ANK2: variants seen among roughly 807,000 people sequenced by gnomAD.
The protein encoded by ANK2 is ankyrin 2, also known as ankyrin-2.
Under a neutral mutation model 360.5 loss-of-function variants are expected in ANK2, and 83 were observed. The observed-to-expected ratio is 0.23, with a 90% CI of 0.19 to 0.28. The LOEUF (loss-of-function observed/expected upper bound fraction) is 0.28, where lower values mean the gene tolerates loss of function less well. Ranked by LOEUF, ANK2 falls within the 10% of genes least tolerant of loss-of-function variation. The pLI, the probability that ANK2 is intolerant of heterozygous loss-of-function variation, is 1.00. For missense variants in ANK2, 4,201 were observed against 4,795.7 expected, an observed-to-expected ratio of 0.88 and a Z score of 3.66; for synonymous variants, 1,740 against 1,759.5, an observed-to-expected ratio of 0.99 and a Z score of 0.28.
chr4:113,324,475 A>T (rs1347919548), intron 26 of ANK2, among the ~76,000 whole-genome samples: 1 of 152,200 alleles, frequency 6.6e-6, no homozygotes, highest in Non-Finnish European at 1.5e-5. Flanking sequence ...CAGTCTACAA[A>T]AAAGACAGTT....
the ANK2 span, among the ~76,000 whole-genome samples, chr4:112,809,451 C>T: frequency 1.3e-5 from 2 of 151,064 alleles, no homozygotes; most frequent in Non-Finnish European, 2.9e-5. Context: ...GTCCCAGCTA[C>T]TCCGGAGGCT....
At chr4:113,233,107 T>G (rs1323381668) in intron 5 of ANK2, among the ~76,000 whole-genome samples, 5 of 4,082 alleles carry the variant, frequency 1.2e-3, no homozygotes, top group Non-Finnish European at 2.2e-3. Context: ...GGCTTTTCTG[T>G]TTTTTTTTTT....
intron 4 of ANK2, among the ~76,000 whole-genome samples, chr4:113,207,061 T>G (rs897733375): frequency 6.6e-6 from 1 of 152,136 alleles, no homozygotes; most frequent in African/African-American, 2.4e-5. Context: ...CTATTCTCTA[T>G]TCCAGTAAAA....
chr4:113,055,405 T>A (rs1443447786), intron 1 of ANK2, among the ~76,000 whole-genome samples: 1 of 151,930 alleles, frequency 6.6e-6, no homozygotes, highest in African/African-American at 2.4e-5. Context: ...AATAAATAAA[T>A]GAATAAATAG....
At chr4:113,161,424 C>T (rs1583431791) in intron 1 of ANK2, among the ~76,000 whole-genome samples, 1 of 152,182 alleles carries the variant, frequency 6.6e-6, no homozygotes, top group African/African-American at 2.4e-5. Context: ...CCTACATTTT[C>T]AGCCAATGCT....
intron 34 of ANK2, among the ~76,000 whole-genome samples, chr4:113,344,803 G>A (rs1195601376): frequency 6.6e-6 from 1 of 152,132 alleles, no homozygotes; most frequent in South Asian, 2.1e-4. Context: ...GGTACCTAGG[G>A]TAGTCAAATT....
intron 2 of ANK2, among the ~76,000 whole-genome samples, chr4:112,924,651 C>A (rs1581245072): frequency 6.6e-6 from 1 of 151,588 alleles, no homozygotes; most frequent in African/African-American, 2.4e-5. Flanking sequence ...GGAAAAAAGT[C>A]CACTACCAAT....
chr4:113,197,336 T>C (rs2098762966), intron 3 of ANK2, among the ~76,000 whole-genome samples: 1 of 152,236 alleles, frequency 6.6e-6, no homozygotes, highest in Admixed American at 6.5e-5. Flanking sequence ...GATGCTGCTT[T>C]TGCTAAAACA....
At chr4:113,062,893 T>C (rs1452726801) in intron 1 of ANK2, among the ~76,000 whole-genome samples, 4 of 152,116 alleles carry the variant, frequency 2.6e-5, no homozygotes, top group African/African-American at 9.6e-5. Context: ...TCTACATTAC[T>C]GTACTAATTT....
intron 1 of ANK2, among the ~76,000 whole-genome samples, chr4:113,165,231 T>C (rs2097709967): frequency 1.3e-5 from 2 of 152,138 alleles, no homozygotes; most frequent in South Asian, 4.1e-4. Flanking sequence ...TAAAAATAAG[T>C]TTTTCATTAT....
chr4:113,315,411 C>T (rs980330366), intron 24 of ANK2, among the ~76,000 whole-genome samples: 2 of 152,138 alleles, frequency 1.3e-5, no homozygotes, highest in African/African-American at 4.8e-5. Context: ...ATTTGAGGTA[C>T]CATTATTTAC....
At chr4:113,331,356 C>T (rs986375569) in intron 27 of ANK2, among the ~76,000 whole-genome samples, 2 of 152,048 alleles carry the variant, frequency 1.3e-5, no homozygotes, top group African/African-American at 4.8e-5. Flanking sequence ...TAATTTGGAC[C>T]AAACTATTAG....
At chr4:112,806,912 A>G in the ANK2 span, among the ~76,000 whole-genome samples, 1 of 152,204 alleles carries the variant, frequency 6.6e-6, no homozygotes, top group Admixed American at 6.5e-5. Context: ...GCTGGGTCTT[A>G]TGGCAGTTCC....
rs138010625 is a variant in ANK2 at position 113,355,959 on chromosome 4, T to C, written c.7341T>C (p.Ser2447=). 1.9e-5 allele frequency: 31 copies of C among 1,613,912 alleles called. No homozygotes were observed. In the African/African-American group the frequency reaches 3.1e-4, roughly 16 times the overall value. ...LEASPVLEDN[S]SHKTPDSLEP... ...CCAGCCCTGTGCTAGAAGATAACTC[T>C]TCACACAAAACCCCTGATTCTCTGG... The change falls in exon 38 of 46, where the codon TCT becomes TCC. Residue 2447 remains serine (S), a synonymous_variant. Transcript: ENST00000357077.
chr4:112,861,333 C>A (rs2067952872), intron 1 of ANK2, among the ~76,000 whole-genome samples: 1 of 152,182 alleles, frequency 6.6e-6, no homozygotes, highest in Non-Finnish European at 1.5e-5. Context: ...TTTAGGATTT[C>A]TGAATCCTTT....
chr4:112,984,008 G>T (rs2044021634), intron 2 of ANK2, among the ~76,000 whole-genome samples: 1 of 152,150 alleles, frequency 6.6e-6, no homozygotes, highest in African/African-American at 2.4e-5. Flanking sequence ...AAATAATAAT[G>T]ATAATTTGAC....
intron 2 of ANK2, chr4:112,979,989 C>T (rs564571881): frequency 5.9e-5 from 9 of 152,454 alleles, no homozygotes; most frequent in African/African-American, 2.2e-4. Context: ...CGGAAACCCG[C>T]CCCTTTCCGC....
chr4:112,833,998 G>A (rs2060445217), intron 1 of ANK2, among the ~76,000 whole-genome samples: 1 of 152,118 alleles, frequency 6.6e-6, no homozygotes, highest in East Asian at 1.9e-4. Context: ...AACACAAATT[G>A]TAACATACTA....
chr4:113,339,410 T>G, intron 32 of ANK2, 88 bp downstream of exon 32: 1 of 1,075,834 alleles, frequency 9.3e-7, no homozygotes, highest in South Asian at 1.3e-5. Context: ...CTTTATTGTT[T>G]AAAAGTTATT....
Sources: gnomAD v4.1 joint callset for allele counts (sites outside exome capture counted in the v4.1 genomes callset) on GRCh38, gnomAD v4.1.1 for gene constraint, MANE v1.5 for transcripts, NCBI Gene and HGNC (gene_info 2026-07-23, HGNC 2026-07-21) for gene names.